CLIP1: variants seen among roughly 807,000 people sequenced by gnomAD.
CLIP1 encodes CAP-Gly domain-containing linker protein 1.
In CLIP1, 66 loss-of-function variants were observed where a neutral mutation model predicts 161.6. The ratio of observed to expected loss-of-function variants is 0.41; its 90% confidence interval spans 0.33 to 0.50. The LOEUF is 0.50. Among genes scored for constraint, CLIP1 ranks in the 20% least tolerant of loss-of-function variants. The pLI, the probability that CLIP1 is intolerant of heterozygous loss-of-function variation, is 0.27. For synonymous variants in CLIP1, 598 were observed against 626.2 expected (o/e 0.96, Z 0.67); for missense variants, 1,376 against 1,702.0 (o/e 0.81, Z 3.37).
intron 19 of CLIP1, among the ~76,000 whole-genome samples, chr12:122,315,717 T>C (rs569132926): frequency 1.3e-5 from 2 of 151,440 alleles, no homozygotes; most frequent in East Asian, 2.0e-4. Context: ...CTCGGCTCAC[T>C]GCAAACTCCG....
chr12:122,288,931 T>G (rs1955976944), intron 20 of CLIP1, among the ~76,000 whole-genome samples: 1 of 148,114 alleles, frequency 6.8e-6, no homozygotes, highest in Non-Finnish European at 1.5e-5. Context: ...TTCTCCTGCC[T>G]CAGCCTCCCG....
chr12:122,373,287 G>C (rs1225958430), intron 3 of CLIP1, among the ~76,000 whole-genome samples: 1 of 152,032 alleles, frequency 6.6e-6, no homozygotes. Flanking sequence ...TTAGCCAGGT[G>C]TGGTGGCGCA....
Position 122,360,951 on chromosome 12 carries a change from G to A in CLIP1, c.1005+8C>T. On this transcript the variant is annotated splice_region_variant and intron_variant, in intron 5 of 25. Transcript: ENST00000620786. ...AAGTGGAGGCAGGTAGTGAGAAAGG[G>A]GCCTTACTAGTCCTGTCCGACTGGG... 2 of 1,604,460 alleles carry A rather than the reference G, an allele frequency of 1.2e-6. No homozygotes were observed. The highest frequency in any genetic ancestry group is 1.7e-6 in the Non-Finnish European group (2 of 1,176,120).
chr12:122,272,809 T>C lies in CLIP1; in HGVS notation c.*66A>G. The C allele has an allele frequency of 2.3e-6, 3 of 1,310,650 alleles. No homozygotes were observed. The highest frequency in any genetic ancestry group is 1.2e-5 in the South Asian group (1 of 84,346). 81.2% of individuals were successfully genotyped at this position (1,310,650 alleles called of 1,614,324 possible). A position where few individuals can be genotyped will look rare whatever the true frequency, so the allele number is the denominator to read the frequency against. On this transcript the variant is annotated 3_prime_UTR_variant, in exon 26 of 26. Coordinates refer to ENST00000620786, the MANE Select transcript of CLIP1 (RefSeq NM_001247997.2). ...GTTCTCCTGAAGTCTGCACACACAA[T>C]GCTGGTGTTACGTTGTGTCAATGCG...
Position 122,390,202 on chromosome 12 carries a change from AT to A in CLIP1, c.-106-9645del, listed in dbSNP as rs1329381682. Among the ~76,000 whole-genome samples the A allele has an allele frequency of 6.0e-5, 8 of 134,156 alleles. No individual in the cohort carries two copies. In the East Asian group the frequency reaches 8.9e-4, roughly 15 times the overall value. The allele number at this position is 134,156 out of a possible 152,430, so 88.0% of individuals were successfully genotyped here. A position where few individuals can be genotyped will look rare whatever the true frequency, so the allele number is the denominator to read the frequency against. On this transcript the variant is annotated intron_variant, in intron 1 of 25. Coordinates refer to ENST00000620786, the MANE Select transcript of CLIP1 (RefSeq NM_001247997.2). ...ATATATATATATATATATATAATAT[AT>A]ATATACACACATATATATACACACA... is the stretch of plus-strand genomic sequence containing the variant.
chr12:122,330,629 T>G (rs1172468073), intron 15 of CLIP1, among the ~76,000 whole-genome samples: 1 of 124,190 alleles, frequency 8.1e-6, no homozygotes, highest in African/African-American at 2.9e-5. Flanking sequence ...AGATGGAGTC[T>G]CGCACTGTTG....
chr12:122,295,166 T>A (rs907479848), intron 20 of CLIP1, among the ~76,000 whole-genome samples: 47 of 151,742 alleles, frequency 3.1e-4, no homozygotes, highest in Admixed American at 1.6e-3. Flanking sequence ...GAGGTTGGAG[T>A]CCAAGACCAG....
chr12:122,350,676 T>C (rs1163885803), intron 9 of CLIP1, among the ~76,000 whole-genome samples: 1 of 150,084 alleles, frequency 6.7e-6, no homozygotes, highest in East Asian at 1.9e-4. Context: ...CCCTTTCCTC[T>C]CATGGGAAGC....
rs1452186114 is a variant in CLIP1 at position 122,390,300 on chromosome 12, A to G, written c.-106-9742T>C. On this transcript the variant is annotated intron_variant, in intron 1 of 25. Transcript: ENST00000620786. ...TATACATATATATATATATATATAT[A>G]TATGTATATATATATATATTATTTT... Among the ~76,000 whole-genome samples, 143 of 129,240 alleles carry G rather than the reference A, an allele frequency of 1.1e-3. 1 individual carries two copies. The highest frequency in any genetic ancestry group is 4.3e-3 in the South Asian group (18 of 4,150). 84.8% of individuals were successfully genotyped at this position (129,240 alleles called of 152,430 possible).
At chr12:122,352,478 A>C (rs553933078) in intron 8 of CLIP1, among the ~76,000 whole-genome samples, 1 of 152,160 alleles carries the variant, frequency 6.6e-6, no homozygotes, top group Non-Finnish European at 1.5e-5. Flanking sequence ...ACTTGATGAG[A>C]TCCAATTCAT....
intron 5 of CLIP1, among the ~76,000 whole-genome samples, chr12:122,359,255 A>G (rs1198728575): frequency 6.6e-6 from 1 of 152,226 alleles, no homozygotes; most frequent in Non-Finnish European, 1.5e-5. Context: ...GCTGTCTCAC[A>G]GGTACAGAAA....
chr12:122,278,244 G>A, intron 23 of CLIP1, 41 bp from the exon 24 acceptor site: 3 of 1,478,368 alleles, frequency 2.0e-6, no homozygotes, highest in Non-Finnish European at 2.8e-6. Context: ...AGTGGAGGGA[G>A]AATATATGTA....
At position 122,279,067 on chromosome 12, in the gene CLIP1, G is replaced by A. The variant is rs1203070536; in HGVS notation, c.3726C>T (p.Leu1242=). ...TCTCCAGCTCGGCATCCTTTTCTGT[G>A]AGTAAGGCACTAGTTATACTGATGG... ...QKSISITSAL[L]TEKDAELEKL... is the part of the protein sequence containing the mutation. The change falls in exon 22 of 26, where the codon CTC becomes CTT. Residue 1242 remains leucine, a synonymous_variant. Coordinates refer to ENST00000620786, the MANE Select transcript of CLIP1 (RefSeq NM_001247997.2). The surrounding 1 kb of genome is among the most constrained non-coding windows in gnomAD (Gnocchi z 4.5). 1.1e-5 allele frequency: 18 copies of A among 1,613,352 alleles called. No individual in the cohort carries two copies. The highest frequency in any genetic ancestry group is 1.4e-5 in the Non-Finnish European group (17 of 1,179,896).
chr12:122,288,855 G>A (rs1342269335), intron 20 of CLIP1, among the ~76,000 whole-genome samples: 2 of 129,436 alleles, frequency 1.5e-5, no homozygotes, highest in African/African-American at 6.3e-5. Flanking sequence ...TCGCTCTGTC[G>A]CCCAGGCTGG....
At position 122,334,637 on chromosome 12, in the gene CLIP1, G is replaced by A. The variant is rs779617976; in HGVS notation, c.2626+11C>T. On this transcript the variant is annotated intron_variant, in intron 13 of 25. Coordinates refer to ENST00000620786, the MANE Select transcript of CLIP1 (RefSeq NM_001247997.2). ...TTTAAAGCAATCTGCACACGCTCTG[G>A]TAAGACATACCTTGCATACTTCTCT... 3 of 1,567,752 alleles carry A rather than the reference G, an allele frequency of 1.9e-6. No homozygotes were observed. Among genetic ancestry groups the A allele is most frequent in the African/African-American group, 1.3e-5 (1 of 74,182 alleles).
chr12:122,348,800 A>T (rs1952874534), intron 9 of CLIP1, among the ~76,000 whole-genome samples: 1 of 152,192 alleles, frequency 6.6e-6, no homozygotes. Flanking sequence ...TGGGCAATGA[A>T]AAAATGACAA....
chr12:122,395,808 T>C (rs542354634), intron 1 of CLIP1: 5 of 152,352 alleles, frequency 3.3e-5, no homozygotes, highest in East Asian at 3.9e-4. Flanking sequence ...TACTGGAGGA[T>C]TGGGCTACAT....
rs1951577148 is a variant in CLIP1 at position 122,323,083 on chromosome 12, T to C, written c.3250-3735A>G. ...TTCTGTTTGCAGACTCTTGATCACA[T>C]TGCCTTTTGAGGTCTCCTATGGCTT... On this transcript the variant is annotated intron_variant, in intron 17 of 25. Coordinates refer to ENST00000620786, the MANE Select transcript of CLIP1 (RefSeq NM_001247997.2). This position sits in a 1 kb window ranked among gnomAD's most constrained non-coding sequence, Gnocchi z 4.1. The C allele has an allele frequency of 6.6e-6, 1 of 152,650 alleles. No homozygotes were observed. The highest frequency in any genetic ancestry group is 2.4e-5 in the African/African-American group (1 of 41,452). The allele number at this position is 152,650 out of a possible 1,614,324, so 9.5% of individuals were successfully genotyped here.
intron 4 of CLIP1, among the ~76,000 whole-genome samples, chr12:122,361,924 C>T (rs113835494): frequency 0.021 from 3,176 of 152,180 alleles, 67 homozygotes; most frequent in African/African-American, 0.05. Context: ...ACCATCTGTT[C>T]CCCAAAAACC....
Sources: gnomAD v4.1 joint callset for allele counts (sites outside exome capture counted in the v4.1 genomes callset) on GRCh38, gnomAD v4.1.1 for gene constraint, Gnocchi (gnomAD v3.1) non-coding constraint, MANE v1.5 for transcripts, NCBI Gene and HGNC (gene_info 2026-07-23, HGNC 2026-07-21) for gene names.